Variants in TXLNB observed in about 807,000 individuals in gnomAD.
TXLNB encodes beta-taxilin.
Under a neutral mutation model 57.4 loss-of-function variants are expected in TXLNB, and 37 were observed. That is an observed-to-expected ratio of 0.64 (90% CI 0.50 to 0.85). The LOEUF is 0.85. TXLNB is among the 40% of genes least tolerant of loss of function. The pLI, the probability that TXLNB is intolerant of heterozygous loss-of-function variation, is 0.00. For synonymous variants in TXLNB, 302 were observed against 309.6 expected (o/e 0.98, Z 0.26); for missense variants, 848 against 825.6 (o/e 1.03, Z -0.33).
rs368235285 is a variant in TXLNB, at chr6:139,270,456, C to T, written c.687G>A (p.Lys229=). 3 of 1,613,278 alleles carry T rather than the reference C, an allele frequency of 1.9e-6. No homozygotes were observed. The highest frequency in any genetic ancestry group is 1.7e-6 in the Non-Finnish European group (2 of 1,179,786). ...GTTATTCTGAGGCATGGGGACATACCTTCAGAGTCTTGTTGTGTCTCTGCA... is the reference window on the plus strand; with the variant it reads ...GTTATTCTGAGGCATGGGGACATACTTTCAGAGTCTTGTTGTGTCTCTGCA... ...RELQRHNKTL[K]EEALQRAREE... is the part of the protein sequence containing the mutation. Residue 229 remains lysine (K), a splice_region_variant and synonymous_variant, in exon 4 of 10, where the codon AAG becomes AAA. Coordinates refer to ENST00000358430, the MANE Select transcript of TXLNB (RefSeq NM_153235.4).
At chr6:139,270,381 C>G in intron 4 of TXLNB, 75 bp downstream of exon 4, 1 of 1,407,944 alleles carries the variant, frequency 7.1e-7, no homozygotes, top group East Asian at 2.3e-5. Context: ...AATTCACACT[C>G]TTTCCATGAG....
At chr6:139,217,595 G>T in the TXLNB span, among the ~76,000 whole-genome samples, 4 of 152,212 alleles carry the variant, frequency 2.6e-5, no homozygotes, top group South Asian at 4.1e-4. Flanking sequence ...TAGGCTGGGC[G>T]TGGCGGCTCA....
the TXLNB span, among the ~76,000 whole-genome samples, chr6:139,212,217 G>A: frequency 5.3e-5 from 8 of 152,228 alleles, no homozygotes; most frequent in South Asian, 2.1e-4. Context: ...AATGTTAAGC[G>A]CAGCCAGAGA....
At chr6:139,247,789 T>A (rs373252590) in intron 8 of TXLNB, 28 bp downstream of exon 8, 3 of 1,484,438 alleles carry the variant, frequency 2.0e-6, no homozygotes, top group Non-Finnish European at 2.8e-6. Context: ...AAAATGTCAA[T>A]ATTTTGTTGG....
At position 139,250,337 on chromosome 6, in the gene TXLNB, TTTTC is replaced by T. The variant is rs1192493354; in HGVS notation, c.1078-2432_1078-2429del. ...CTGACATATTCTGTTCAACTGTGTT[TTTTC>T]TTTCTTTCTTTCTTTCTTTTTTTTT... On this transcript the variant is annotated intron_variant, in intron 7 of 9. Coordinates refer to ENST00000358430, the MANE Select transcript of TXLNB (RefSeq NM_153235.4). Among the ~76,000 whole-genome samples, 351 of 149,908 alleles carry T rather than the reference TTTTC, an allele frequency of 2.3e-3. 1 individual carries two copies. The highest frequency in any genetic ancestry group is 6.7e-3 in the African/African-American group (268 of 40,054).
Position 139,240,683 on chromosome 6 carries a change from A to C in TXLNB, c.*1843T>G, listed in dbSNP as rs1374401641. ...TGGTTATAATATTTTAAGCCTTTAA[A>C]AATATACAGATTCTCAAATAGCGAC... On this transcript the variant is annotated 3_prime_UTR_variant, in exon 10 of 10. Transcript: ENST00000358430. 1 of 152,652 alleles carries C rather than the reference A, an allele frequency of 6.6e-6. No homozygotes were observed. Among genetic ancestry groups the C allele is most frequent in the Non-Finnish European group, 1.5e-5 (1 of 68,054 alleles). The allele number at this position is 152,652 out of a possible 1,614,324, so 9.5% of individuals were successfully genotyped here.
chr6:139,190,309 C>CTTT, the TXLNB span, among the ~76,000 whole-genome samples: 2 of 115,258 alleles, frequency 1.7e-5, no homozygotes, highest in East Asian at 2.3e-4. Flanking sequence ...TTCTTTCTTT[C>CTTT]TTTTTTTTTT....
At chr6:139,247,747 G>A in intron 8 of TXLNB, 70 bp downstream of exon 8, 2 of 1,129,536 alleles carry the variant, frequency 1.8e-6, no homozygotes, top group Non-Finnish European at 2.6e-6. Context: ...GAGAGAAAAA[G>A]GAAACCAAAG....
At chr6:139,259,568 A>G (rs901957276) in intron 6 of TXLNB, among the ~76,000 whole-genome samples, 2 of 152,042 alleles carry the variant, frequency 1.3e-5, no homozygotes, top group African/African-American at 2.4e-5. Context: ...TGGTCACTCA[A>G]TCTAAAGTAC....
chr6:139,167,309 C>G, the TXLNB span: 2 of 1,592,402 alleles, frequency 1.3e-6, no homozygotes, highest in Non-Finnish European at 1.7e-6. Flanking sequence ...ATATGATGTT[C>G]CTTGTCACCT....
rs1775942182 is a variant in TXLNB at position 139,241,884 on chromosome 6, A to C, written c.*642T>G. The C allele has an allele frequency of 6.6e-6, 1 of 152,212 alleles. No individual in the cohort carries two copies. The highest frequency in any genetic ancestry group is 1.5e-5 in the Non-Finnish European group (1 of 68,034). The allele number at this position is 152,212 out of a possible 1,614,324, so 9.4% of individuals were successfully genotyped here. ...GTCAACCATAGTCTCAAGTGCAAGT[A>C]AGAGATCATTTTTTTGATTAGCATC... On this transcript the variant is annotated 3_prime_UTR_variant, in exon 10 of 10. Coordinates refer to ENST00000358430, the MANE Select transcript of TXLNB (RefSeq NM_153235.4).
At chr6:139,167,223 C>T in the TXLNB span, 15 of 1,614,042 alleles carry the variant, frequency 9.3e-6, no homozygotes, top group African/African-American at 9.3e-5. Flanking sequence ...TGCCACCGGG[C>T]GCTCCCGGTG....
At chr6:139,238,939 C>CT (rs1258424921), downstream of TXLNB, 4 of 152,178 alleles carry the variant, frequency 2.6e-5, no homozygotes, top group Admixed American at 2.0e-4. Context: ...TCTGCCTCTC[C>CT]TGTTTCTTGT....
the TXLNB span, among the ~76,000 whole-genome samples, chr6:139,200,424 G>A: frequency 0.049 from 7,448 of 152,230 alleles, 199 homozygotes; most frequent in African/African-American, 0.059. Flanking sequence ...CTTATGTAGC[G>A]TGGTCAAAGG....
intron 4 of TXLNB, among the ~76,000 whole-genome samples, chr6:139,265,575 G>T (rs1044215035): frequency 6.6e-6 from 1 of 152,086 alleles, no homozygotes; most frequent in Non-Finnish European, 1.5e-5. Context: ...AGCTCCCAGC[G>T]CATGGATTTT....
chr6:139,218,267 T>C, the TXLNB span, among the ~76,000 whole-genome samples: 1 of 152,248 alleles, frequency 6.6e-6, no homozygotes, highest in Non-Finnish European at 1.5e-5. Flanking sequence ...TTTTCTGATG[T>C]TATTAGACAC....
chr6:139,238,455 A>T (rs1355922036), downstream of TXLNB, among the ~76,000 whole-genome samples: 1 of 152,188 alleles, frequency 6.6e-6, no homozygotes, highest in Non-Finnish European at 1.5e-5. Context: ...AATTAAACTT[A>T]GGTCAAATTT....
the TXLNB span, chr6:139,169,868 T>A: frequency 6.6e-6 from 1 of 152,252 alleles, no homozygotes; most frequent in African/African-American, 2.4e-5. Flanking sequence ...CAGGTTCAGA[T>A]GATGCTGAAA....
At chr6:139,270,276 G>A (rs1776724195) in intron 4 of TXLNB, among the ~76,000 whole-genome samples, 180 bp downstream of exon 4, 1 of 152,076 alleles carries the variant, frequency 6.6e-6, no homozygotes, top group South Asian at 2.1e-4. Context: ...CCATTTTACG[G>A]ATGAAGAAAG....
Sources: gnomAD v4.1 joint callset for allele counts (sites outside exome capture counted in the v4.1 genomes callset) on GRCh38, gnomAD v4.1.1 for gene constraint, MANE v1.5 for transcripts, NCBI Gene and HGNC (gene_info 2026-07-23, HGNC 2026-07-21) for gene names.